The following CDH18 variants were observed in gnomAD, a reference collection of about 807,000 sequenced individuals.
CDH18 encodes the protein cadherin 18.
CDH18 carries 31 observed loss-of-function variants against 67.9 expected under a neutral mutation model. That is an observed-to-expected ratio of 0.46 (90% confidence interval 0.34 to 0.62). CDH18 has a LOEUF of 0.62. Ranked by LOEUF, CDH18 falls within the 20% of genes least tolerant of loss-of-function variation. CDH18 has a pLI of 0.01. For missense variants in CDH18, 890 were observed against 975.5 expected, an observed-to-expected ratio of 0.91 and a Z score of 1.17; for synonymous variants, 362 against 347.2, an observed-to-expected ratio of 1.04 and a Z score of -0.48.
intron 1 of CDH18, among the ~76,000 whole-genome samples, chr5:20,317,280 G>C (rs974796795): frequency 1.3e-5 from 2 of 151,926 alleles, no homozygotes; most frequent in African/African-American, 4.8e-5. Flanking sequence ...GTGTAAAGAA[G>C]CATTTATTTA....
At chr5:20,344,802 T>A (rs1740569358) in intron 1 of CDH18, among the ~76,000 whole-genome samples, 1 of 150,556 alleles carries the variant, frequency 6.6e-6, no homozygotes, top group Non-Finnish European at 1.5e-5. Context: ...ACACAAAAAA[T>A]ATCAATGTGA....
intron 2 of CDH18, among the ~76,000 whole-genome samples, chr5:20,248,336 G>A (rs1398198259): frequency 1.3e-5 from 2 of 152,202 alleles, no homozygotes; most frequent in Non-Finnish European, 2.9e-5. Context: ...ACTTGAAAGT[G>A]CATAATCACA....
intron 2 of CDH18, among the ~76,000 whole-genome samples, chr5:20,019,305 A>G (rs1364778920): frequency 2.0e-5 from 3 of 152,224 alleles, no homozygotes; most frequent in Non-Finnish European, 4.4e-5. Context: ...AAGAATGACT[A>G]CTAAATTAAT....
At chr5:20,418,697 CT>C (rs2150155306) in intron 1 of CDH18, among the ~76,000 whole-genome samples, 1 of 151,968 alleles carries the variant, frequency 6.6e-6, no homozygotes, top group South Asian at 2.1e-4. Context: ...TGTAAGACAA[CT>C]TAAGTTTAAC....
chr5:19,519,819 G>A (rs1264656087), intron 10 of CDH18, among the ~76,000 whole-genome samples: 1 of 152,088 alleles, frequency 6.6e-6, no homozygotes, highest in African/African-American at 2.4e-5. Flanking sequence ...TCTCGGGTCT[G>A]TATCAGAAAG....
intron 11 of CDH18, among the ~76,000 whole-genome samples, chr5:19,489,372 A>C (rs960079466): frequency 1.3e-4 from 19 of 150,678 alleles, no homozygotes; most frequent in African/African-American, 4.2e-4. Context: ...CTCAGCCTCC[A>C]AAGTAGCTGG....
At chr5:19,672,148 A>G (rs1322943473) in intron 5 of CDH18, among the ~76,000 whole-genome samples, 1 of 152,180 alleles carries the variant, frequency 6.6e-6, no homozygotes, top group Non-Finnish European at 1.5e-5. Flanking sequence ...CCACAGCTGC[A>G]TCCTGATACA....
intron 1 of CDH18, among the ~76,000 whole-genome samples, chr5:20,494,789 G>A (rs2126406450): frequency 6.6e-6 from 1 of 152,190 alleles, no homozygotes; most frequent in Non-Finnish European, 1.5e-5. Flanking sequence ...TAGGTCTGGA[G>A]GAGTGGGGAT....
chr5:19,629,463 G>A (rs1752084792), intron 5 of CDH18, among the ~76,000 whole-genome samples: 1 of 152,088 alleles, frequency 6.6e-6, no homozygotes, highest in African/African-American at 2.4e-5. Flanking sequence ...CCAACATAAT[G>A]AAGAAAGGGC....
intron 2 of CDH18, among the ~76,000 whole-genome samples, chr5:20,013,933 A>C (rs1737671550): frequency 6.6e-6 from 1 of 152,148 alleles, no homozygotes; most frequent in Non-Finnish European, 1.5e-5. Flanking sequence ...GTTTATAGTG[A>C]TATCCAAAAT....
intron 5 of CDH18, among the ~76,000 whole-genome samples, chr5:19,702,095 T>G (rs1361371409): frequency 6.6e-6 from 1 of 151,078 alleles, no homozygotes; most frequent in Non-Finnish European, 1.5e-5. Context: ...AGTCCTGTGT[T>G]GCCGAAGCTC....
At chr5:19,977,748 G>A (rs1798634977) in intron 2 of CDH18, among the ~76,000 whole-genome samples, 2 of 152,078 alleles carry the variant, frequency 1.3e-5, no homozygotes, top group South Asian at 2.1e-4. Flanking sequence ...TTTCATAGGT[G>A]TTATGATTTA....
chr5:20,324,843 T>G (rs1225010598), intron 1 of CDH18, among the ~76,000 whole-genome samples: 9 of 152,318 alleles, frequency 5.9e-5, no homozygotes, highest in Admixed American at 4.6e-4. Context: ...ATACATTGAT[T>G]TCAGCATTAC....
intron 2 of CDH18, among the ~76,000 whole-genome samples, chr5:20,116,935 A>G (rs1747962235): frequency 6.6e-6 from 1 of 152,138 alleles, no homozygotes; most frequent in South Asian, 2.1e-4. Context: ...ACCACTATCA[A>G]ACTGTACCTG....
chr5:20,398,420 T>G (rs1338675117), intron 1 of CDH18, among the ~76,000 whole-genome samples: 1 of 152,186 alleles, frequency 6.6e-6, no homozygotes, highest in African/African-American at 2.4e-5. Context: ...ATGGTCACAT[T>G]CATTGAACAA....
intron 2 of CDH18, among the ~76,000 whole-genome samples, chr5:20,101,379 G>A (rs985723740): frequency 6.6e-6 from 1 of 152,170 alleles, no homozygotes; most frequent in Non-Finnish European, 1.5e-5. Context: ...CATAGACAGT[G>A]ATTTCATGTA....
At position 19,532,609 on chromosome 5, in the gene CDH18, A is replaced by G. The variant is rs577758332; in HGVS notation, c.1390+11260T>C. On this transcript the variant is annotated intron_variant, in intron 9 of 12. Transcript: ENST00000382275. ...GTATCACTTATGTTTTAAAAGGAAC[A>G]TTATGACAGCTGGGTGAATAACAAG... 8.5e-5 allele frequency among the ~76,000 whole-genome samples: 13 copies of G among 152,304 alleles called. No homozygotes were observed. The South Asian group carries it at 2.7e-3, about 32-fold the overall frequency.
At chr5:19,493,461 T>C (rs769346862) in intron 11 of CDH18, among the ~76,000 whole-genome samples, 47 of 152,184 alleles carry the variant, frequency 3.1e-4, no homozygotes, top group Middle Eastern at 6.8e-3. Context: ...AGGGTGATGA[T>C]AAATAATAAT....
chr5:20,184,883 G>T (rs550530531), intron 2 of CDH18, among the ~76,000 whole-genome samples: 2 of 152,054 alleles, frequency 1.3e-5, no homozygotes, highest in South Asian at 4.2e-4. Context: ...ACTTATTTAG[G>T]CATGCTAGTC....
Sources: gnomAD v4.1 joint callset for allele counts (sites outside exome capture counted in the v4.1 genomes callset) on GRCh38, gnomAD v4.1.1 for gene constraint, MANE v1.5 for transcripts, NCBI Gene and HGNC (gene_info 2026-07-23, HGNC 2026-07-21) for gene names.